The following PLIN1 variants were observed in gnomAD, a reference collection of about 807,000 sequenced individuals.
The protein encoded by PLIN1 is perilipin-1.
PLIN1 carries 37 observed loss-of-function variants against 45.8 expected under a neutral mutation model. The ratio of observed to expected loss-of-function variants is 0.81; its 90% CI spans 0.62 to 1.06. The LOEUF is 1.06. Among genes scored for constraint, PLIN1 ranks in the 50% least tolerant of loss-of-function variants. The probability of loss-of-function intolerance (pLI) is 0.00; values close to 1 mark genes in which losing one functional copy is unlikely to be tolerated. For synonymous variants in PLIN1, 340 were observed against 309.2 expected (o/e 1.10, Z -1.05); for missense variants, 776 against 716.5 (o/e 1.08, Z -0.95).
rs2141529882 is a variant in PLIN1 at position 89,669,493 on chromosome 15, T to C, written c.771+7A>G. The C allele has an allele frequency of 1.2e-6, 2 of 1,609,850 alleles. No individual in the cohort carries two copies. Among genetic ancestry groups the C allele is most frequent in the East Asian group, 2.2e-5 (1 of 44,848 alleles). On this transcript the variant is annotated splice_region_variant and intron_variant, in intron 6 of 8. Coordinates refer to ENST00000300055, the MANE Select transcript of PLIN1 (RefSeq NM_002666.5). ...CGGGTCAGTCAGAGCTCACGGCAGATACTTACCAGGGGCACCACGCCTGGG... is the reference window on the plus strand; with the variant it reads ...CGGGTCAGTCAGAGCTCACGGCAGACACTTACCAGGGGCACCACGCCTGGG...
At position 89,665,913 on chromosome 15, in the gene PLIN1, C is replaced by G. The variant is rs768613711; in HGVS notation, c.1239G>C (p.Glu413Asp). ...GGTTGTCGATGTCCCGGAATTCGCT[C>G]TCGGGCTCCATCAGCGACAGCCTGG... is the stretch of plus-strand genomic sequence containing the variant. ...PLPRLSLMEP[E>D]SEFRDIDNPP... The change falls in exon 9 of 9, where the codon GAG becomes GAC. Residue 413 changes from glutamate (E) to aspartate (D), a missense_variant. Coordinates refer to ENST00000300055, the MANE Select transcript of PLIN1 (RefSeq NM_002666.5). 6.5e-7 allele frequency: 1 copy of G among 1,535,626 alleles called. No homozygotes were observed. The highest frequency in any genetic ancestry group is 8.7e-7 in the Non-Finnish European group (1 of 1,150,036).
At position 89,669,555 on chromosome 15, in the gene PLIN1, C is replaced by G; in HGVS notation, c.716G>C (p.Arg239Pro). 3 of 1,613,684 alleles carry G rather than the reference C, an allele frequency of 1.9e-6. No individual in the cohort carries two copies. Among genetic ancestry groups the G allele is most frequent in the Non-Finnish European group, 2.5e-6 (3 of 1,179,876 alleles). The change falls in exon 6 of 9, where the codon CGG (arginine) becomes CCG (proline). Residue 239 changes from arginine to proline, a missense_variant. Arg to Pro is a moderately radical substitution (Grantham distance 103). Transcript: ENST00000300055. ...LSRYTVQTMA[R>P]ALEQGHTVAM... is the part of the protein sequence containing the mutation. ...CACGGTGTGGCCCTGCTCCAGGGCC[C>G]GGGCCATGGTCTGCACGGTGTATCG... is the stretch of plus-strand genomic sequence containing the variant.
chr15:89,666,140 C>G (rs1003576498), intron 8 of PLIN1, among the ~76,000 whole-genome samples, 198 bp from the exon 9 acceptor site: 2 of 152,228 alleles, frequency 1.3e-5, no homozygotes, highest in Non-Finnish European at 2.9e-5. Flanking sequence ...TCTCCATGGA[C>G]CAGGCTGCTC....
rs1335850664 is a variant in PLIN1, at chr15:89,673,241, C to T, written c.219G>A (p.Met73Ile). 6.3e-7 allele frequency: 1 copy of T among 1,576,056 alleles called. No individual in the cohort carries two copies. Among genetic ancestry groups the T allele is most frequent in the African/African-American group, 1.3e-5 (1 of 74,076 alleles). Residue 73 changes from methionine to isoleucine, a missense_variant, in exon 3 of 9, where the codon ATG (methionine) becomes ATA (isoleucine). Coordinates refer to ENST00000300055, the MANE Select transcript of PLIN1 (RefSeq NM_002666.5). ...TGGACAGCCTGCGGACCACCGGCTC[C>T]ATGCTCCAGGCAGCCAAGCTACTGG... ...QSASSLAAWS[M>I]EPVVRRLSTQ...
intron 2 of PLIN1, chr15:89,677,074 G>A (rs1346921313): frequency 1.2e-5 from 4 of 326,912 alleles, no homozygotes; most frequent in Non-Finnish European, 1.8e-5. Flanking sequence ...GAATGATGCT[G>A]GAGACACAGA....
At chr15:89,673,520 A>T in intron 2 of PLIN1, 106 bp from the exon 3 acceptor site, 1 of 898,160 alleles carries the variant, frequency 1.1e-6, no homozygotes, top group Non-Finnish European at 1.8e-6. Context: ...CCTGAGTCCA[A>T]GCGACCTGGG....
chr15:89,673,998 C>G lies in PLIN1; in HGVS notation c.46-584G>C, dbSNP rs144560532. Among the ~76,000 whole-genome samples the G allele has an allele frequency of 4.5e-3, 692 of 152,324 alleles. 3 individuals carry two copies. Among genetic ancestry groups the G allele is most frequent in the Admixed American group, 8.4e-3 (129 of 15,312 alleles). ...GTCGGAAACCACTCCCTCCCTGGCT[C>G]TCTCCACATTCGTCACACCGTGCTG... On this transcript the variant is annotated intron_variant, in intron 2 of 8. Coordinates refer to ENST00000300055, the MANE Select transcript of PLIN1 (RefSeq NM_002666.5).
chr15:89,677,248 T>C (rs1483908169), intron 2 of PLIN1, 197 bp downstream of exon 2: 3 of 614,264 alleles, frequency 4.9e-6, no homozygotes, highest in African/African-American at 1.8e-5. Context: ...AATAGGCATC[T>C]TTTTTTCCCC....
Position 89,667,613 on chromosome 15 carries a change from T to G in PLIN1, c.952A>C (p.Lys318Gln), listed in dbSNP as rs1182633502. Residue 318 changes from lysine to glutamine, a missense_variant, in exon 7 of 9, where the codon AAG (lysine) becomes CAG (glutamine). Lys to Gln is a moderately conservative substitution (Grantham distance 53, BLOSUM62 1). Coordinates refer to ENST00000300055, the MANE Select transcript of PLIN1 (RefSeq NM_002666.5). Reference protein sequence around the residue: ...EEEELETEENKFSEVAALPGP... With the variant: ...EEEELETEENQFSEVAALPGP... ...ACTCTCCCCCTCACCTCACTGAACT[T>G]GTTCTCCTCAGTCTCCAATTCTTCC... The G allele has an allele frequency of 6.2e-7, 1 of 1,613,964 alleles. No homozygotes were observed. The highest frequency in any genetic ancestry group is 1.3e-5 in the African/African-American group (1 of 74,944).
At position 89,666,952 on chromosome 15, in the gene PLIN1, A is replaced by G; in HGVS notation, c.1193T>C (p.Val398Ala). Residue 398 changes from valine to alanine, a missense_variant, in exon 8 of 9, where the codon GTG (valine) becomes GCG (alanine). Physicochemically the swap from Val to Ala is moderately conservative, Grantham distance 64. Coordinates refer to ENST00000300055, the MANE Select transcript of PLIN1 (RefSeq NM_002666.5). Reference protein sequence around the residue: ...KGVTDNVVDTVVHYVPLPRLS... With the variant: ...KGVTDNVVDTAVHYVPLPRLS... ...GGTACTCACCGGCACGTAATGCACC[A>G]CTGTGTCCACCACGTTGTCAGTAAC... The G allele has an allele frequency of 6.2e-7, 1 of 1,614,004 alleles. No individual in the cohort carries two copies. The highest frequency in any genetic ancestry group is 8.5e-7 in the Non-Finnish European group (1 of 1,179,952).
In PLIN1 at chr15:89,678,914, T is replaced by C. The variant is rs536109319; in HGVS notation, c.-15+337A>G. Among the ~76,000 whole-genome samples the C allele has an allele frequency of 9.9e-5, 15 of 152,242 alleles. No individual in the cohort carries two copies. The South Asian group carries it at 2.9e-3, about 29-fold the overall frequency. ...AGGATGGAATGTGGTGGCACGATCATGGCTCAATGCAGCCTTGACCTCCTG... is the reference window on the plus strand; with the variant it reads ...AGGATGGAATGTGGTGGCACGATCACGGCTCAATGCAGCCTTGACCTCCTG... On this transcript the variant is annotated intron_variant, in intron 1 of 8. Transcript: ENST00000300055.
chr15:89,674,748 A>G (rs905050444), intron 2 of PLIN1, among the ~76,000 whole-genome samples: 1 of 152,096 alleles, frequency 6.6e-6, no homozygotes, highest in East Asian at 1.9e-4. Context: ...CTCCCTTTAG[A>G]AGTGCCGCCA....
chr15:89,677,404 A>C, intron 2 of PLIN1, 41 bp downstream of exon 2: 1 of 1,520,464 alleles, frequency 6.6e-7, no homozygotes, highest in Non-Finnish European at 9.1e-7. Flanking sequence ...CTCCTCCCTC[A>C]GTTGTCCATC....
rs1423168528 is a variant in PLIN1, at chr15:89,670,150, A to G, written c.428T>C (p.Leu143Pro). 1 of 1,614,046 alleles carries G rather than the reference A, an allele frequency of 6.2e-7. No individual in the cohort carries two copies. The highest frequency in any genetic ancestry group is 1.1e-5 in the South Asian group (1 of 91,072). The change falls in exon 5 of 9, where the codon CTG becomes CCG. Residue 143 changes from leucine to proline, a missense_variant. Leu to Pro is a moderately conservative substitution (Grantham distance 98, BLOSUM62 -3). Transcript: ENST00000300055. ...CTCGCACCCGGCCAAAGCGGCCCCC[A>G]GGACCTTGTCTGAAGTGCTCGCGAT... ...VPIASTSDKV[L>P]GAALAGCELA... is the part of the protein sequence containing the mutation.
chr15:89,677,753 CT>C (rs766734035), intron 1 of PLIN1: 58,904 of 383,670 alleles, frequency 0.15, no homozygotes, highest in South Asian at 0.21. Context: ...TTCTTTCTTT[CT>C]TTTTTTTTTT....
At position 89,670,069 on chromosome 15, in the gene PLIN1, C is replaced by A. The variant is rs761699227; in HGVS notation, c.509G>T (p.Gly170Val). The A allele has an allele frequency of 6.2e-7, 1 of 1,614,138 alleles. No homozygotes were observed. Among genetic ancestry groups the A allele is most frequent in the South Asian group, 1.1e-5 (1 of 91,068 alleles). Residue 170 changes from glycine (G) to valine (V), a missense_variant, in exon 5 of 9, where the codon GGC becomes GTC. Coordinates refer to ENST00000300055, the MANE Select transcript of PLIN1 (RefSeq NM_002666.5). Reference protein sequence around the residue: ...TAEFAANTRAGRLASGGADLA... With the variant: ...TAEFAANTRAVRLASGGADLA... ...GTCGGCCCCTCCAGAAGCCAGTCGG[C>A]CAGCTCGAGTGTTGGCAGCAAATTC... is the stretch of plus-strand genomic sequence containing the variant.
At chr15:89,670,295 A>G (rs891431400) in intron 4 of PLIN1, 51 bp from the exon 5 acceptor site, 6 of 1,575,322 alleles carry the variant, frequency 3.8e-6, no homozygotes, top group Non-Finnish European at 5.2e-6. Flanking sequence ...AGGCCCTACA[A>G]GGGCTGCCCT....
intron 2 of PLIN1, among the ~76,000 whole-genome samples, chr15:89,674,981 T>G (rs749822599): frequency 4.9e-4 from 74 of 152,074 alleles, no homozygotes; most frequent in Non-Finnish European, 8.8e-4. Flanking sequence ...CAGGGCATGG[T>G]GCTGTGTGCC....
rs906209696 is a variant in PLIN1, at chr15:89,664,620, G to A, written c.*963C>T. ...CCCCACAGCTTGTGTAAACACAAGCGGGGAGTGCATACACACGTGCCTGCA... is the reference window on the plus strand; with the variant it reads ...CCCCACAGCTTGTGTAAACACAAGCAGGGAGTGCATACACACGTGCCTGCA... On this transcript the variant is annotated 3_prime_UTR_variant, in exon 9 of 9. Transcript: ENST00000300055. 1.9e-5 allele frequency: 6 copies of A among 312,760 alleles called. No homozygotes were observed. Among genetic ancestry groups the A allele is most frequent in the Non-Finnish European group, 3.8e-5 (6 of 158,390 alleles). The allele number at this position is 312,760 out of a possible 1,614,324, so 19.4% of individuals were successfully genotyped here.
Sources: gnomAD v4.1 joint callset for allele counts (sites outside exome capture counted in the v4.1 genomes callset) on GRCh38, gnomAD v4.1.1 for gene constraint, MANE v1.5 for transcripts, NCBI Gene and HGNC (gene_info 2026-07-23, HGNC 2026-07-21) for gene names.